PPP1R10: variants seen among roughly 807,000 people sequenced by gnomAD.
PPP1R10 encodes the protein serine/threonine-protein phosphatase 1 regulatory subunit 10.
In PPP1R10, 15 loss-of-function variants were observed where a neutral mutation model predicts 99.0. The observed-to-expected ratio is 0.15, with a 90% CI of 0.10 to 0.23. PPP1R10 has a LOEUF of 0.23. Ranked by LOEUF, PPP1R10 falls within the 10% of genes least tolerant of loss-of-function variation. The pLI is 1.00. For missense variants in PPP1R10, 947 were observed against 1,259.4 expected (o/e 0.75, Z 3.75); for synonymous variants, 430 against 449.5 (o/e 0.96, Z 0.55).
In PPP1R10 at chr6:30,606,157, T is replaced by C. The variant is rs553614961; in HGVS notation, c.721A>G (p.Ile241Val). Residue 241 changes from isoleucine to valine, a missense_variant, in exon 9 of 20, where the codon ATC (isoleucine) becomes GTC (valine). Transcript: ENST00000376511. The surrounding 1 kb of genome is among the most constrained non-coding windows in gnomAD (Gnocchi z 6.3). The part of the protein sequence containing the change: ...VVSDKYNLKP[I>V]PLKRQSNVAA... Reference sequence around the variant, plus strand: ...CCATACCTCTGACGTTTGAGGGGGATGGGTTTAAGGTTGTACTTGTCAGAA... The same window carrying C: ...CCATACCTCTGACGTTTGAGGGGGACGGGTTTAAGGTTGTACTTGTCAGAA... The C allele has an allele frequency of 1.0e-4, 161 of 1,614,048 alleles. 1 individual carries two copies. The highest frequency in any genetic ancestry group is 1.3e-4 in the Non-Finnish European group (157 of 1,180,040).
chr6:30,603,974 C>T lies in PPP1R10; in HGVS notation c.1508+34G>A, dbSNP rs926705287. On this transcript the variant is annotated intron_variant, in intron 14 of 19. Coordinates refer to ENST00000376511, the MANE Select transcript of PPP1R10 (RefSeq NM_002714.4). ...GTTCCCTCAGGAGTGTCCAAGCACT[C>T]AACATCCCAGGGCACGAACCCCACT... is the stretch of plus-strand genomic sequence containing the variant. 8 of 1,552,148 alleles carry T rather than the reference C, an allele frequency of 5.2e-6. No homozygotes were observed. In the African/African-American group the frequency reaches 1.1e-4, roughly 21 times the overall value.
chr6:30,613,317 TA>T (rs1465404203), intron 2 of PPP1R10, among the ~76,000 whole-genome samples: 1 of 152,198 alleles, frequency 6.6e-6, no homozygotes, highest in East Asian at 1.9e-4. Context: ...CAGAGCTCTT[TA>T]AAAAATAACT....
chr6:30,605,603 G>A (rs1276571933), intron 10 of PPP1R10, among the ~76,000 whole-genome samples: 1 of 152,140 alleles, frequency 6.6e-6, no homozygotes, highest in African/African-American at 2.4e-5. Flanking sequence ...GCTCATGCCT[G>A]TAATCCCAGC....
chr6:30,603,042 C>T (rs1224175890), intron 17 of PPP1R10, 83 bp from the exon 18 acceptor site: 1 of 1,394,670 alleles, frequency 7.2e-7, no homozygotes, highest in Non-Finnish European at 9.8e-7. Context: ...CCAACTGACC[C>T]TCTCAAACCA....
At position 30,605,984 on chromosome 6, in the gene PPP1R10, C is replaced by T. The variant is rs760350773; in HGVS notation, c.792G>A (p.Lys264=). Residue 264 remains lysine (K), a synonymous_variant, in exon 10 of 20, where the codon AAG becomes AAA. Transcript: ENST00000376511. ...DATPPAEKKY[K]PLNTTPNATK... ...TGGCATTAGGTGTTGTGTTGAGTGGCTTGTATTTCTTCTCTGCAGGGGGAG... is the reference window on the plus strand; with the variant it reads ...TGGCATTAGGTGTTGTGTTGAGTGGTTTGTATTTCTTCTCTGCAGGGGGAG... 8 of 1,613,776 alleles carry T rather than the reference C, an allele frequency of 5.0e-6. No individual in the cohort carries two copies. In the Admixed American group the frequency reaches 8.3e-5, roughly 17 times the overall value.
chr6:30,614,212 G>GA (rs972167620), intron 2 of PPP1R10, among the ~76,000 whole-genome samples: 14 of 151,950 alleles, frequency 9.2e-5, no homozygotes. Context: ...GTTGAAAAAT[G>GA]AAGAGGACAT....
chr6:30,605,300 C>T (rs1261347423), intron 10 of PPP1R10, among the ~76,000 whole-genome samples: 2 of 152,142 alleles, frequency 1.3e-5, no homozygotes, highest in Non-Finnish European at 2.9e-5. Flanking sequence ...GCAGGCAAGC[C>T]ATAGCTTTGG....
At chr6:30,613,737 C>G (rs1804787357) in intron 2 of PPP1R10, among the ~76,000 whole-genome samples, 1 of 152,222 alleles carries the variant, frequency 6.6e-6, no homozygotes, top group Non-Finnish European at 1.5e-5. Context: ...GGCTTCCCAT[C>G]TCCCATGTTA....
intron 2 of PPP1R10, chr6:30,614,606 A>G (rs1400058393): frequency 6.6e-6 from 1 of 152,186 alleles, no homozygotes; most frequent in Non-Finnish European, 1.5e-5. Context: ...CTGGTTCCTA[A>G]GCAGAAATGG....
chr6:30,603,019 C>T, intron 17 of PPP1R10, 60 bp from the exon 18 acceptor site: 1 of 1,445,500 alleles, frequency 6.9e-7, no homozygotes, highest in Non-Finnish European at 9.4e-7. Context: ...CATGATCTCC[C>T]ATTTAGGTGC....
intron 10 of PPP1R10, among the ~76,000 whole-genome samples, chr6:30,605,381 C>T (rs933265017): frequency 4.0e-5 from 6 of 151,882 alleles, no homozygotes; most frequent in African/African-American, 1.4e-4. Context: ...TACCAGGTGC[C>T]CCTGACCAGT....
rs1324789995 is a variant in PPP1R10 at position 30,602,033 on chromosome 6, A to C, written c.2616T>G (p.His872Gln). 1.2e-5 allele frequency: 18 copies of C among 1,541,960 alleles called. No homozygotes were observed. The highest frequency in any genetic ancestry group is 1.4e-5 in the African/African-American group (1 of 73,112). Reference sequence around the variant, plus strand: ...GGTGCTCATGAGGTGGCGGCCCTCGATGGTCATGGCCTCGGTGACCAGGGA... The same window carrying C: ...GGTGCTCATGAGGTGGCGGCCCTCGCTGGTCATGGCCTCGGTGACCAGGGA... ...HDVPGHRGHD[H>Q]RGPPPHEHRG... The change falls in exon 19 of 20, where the codon CAT becomes CAG. Residue 872 changes from histidine to glutamine, a missense_variant. Physicochemically the swap from His to Gln is conservative, Grantham distance 24. This residue lies in a region of PPP1R10 where 525 missense variants were observed against 578.8 expected (regional missense o/e 0.91). Coordinates refer to ENST00000376511, the MANE Select transcript of PPP1R10 (RefSeq NM_002714.4). The surrounding 1 kb of genome is among the most constrained non-coding windows in gnomAD (Gnocchi z 6.7).
chr6:30,602,316 C>G lies in PPP1R10; in HGVS notation c.2333G>C (p.Gly778Ala). The change falls in exon 19 of 20, where the codon GGA becomes GCA. Residue 778 changes from glycine (G) to alanine (A), a missense_variant. By Grantham distance (60) the Gly-to-Ala change is moderately conservative. This residue lies in a region of PPP1R10 where 525 missense variants were observed against 578.8 expected (regional missense o/e 0.91). Transcript: ENST00000376511. The surrounding 1 kb of genome is among the most constrained non-coding windows in gnomAD (Gnocchi z 6.7). ...RPHEGPGGGM[G>A]SGHRPHEGPG... is the part of the protein sequence containing the mutation. The stretch of plus-strand genomic sequence containing the variant: ...GCCTTCATGGGGGCGATGCCCACTT[C>G]CCATGCCACCGCCAGGGCCTTCGTG... The G allele has an allele frequency of 6.2e-7, 1 of 1,612,674 alleles. No homozygotes were observed. The highest frequency in any genetic ancestry group is 2.2e-5 in the East Asian group (1 of 44,848).
At chr6:30,607,743 A>G in intron 6 of PPP1R10, 97 bp downstream of exon 6, 1 of 1,358,092 alleles carries the variant, frequency 7.4e-7, no homozygotes. Context: ...TAGAAAGAGA[A>G]AAGTGAAGGG....
Position 30,603,272 on chromosome 6 carries a change from C to T in PPP1R10, c.1781G>A (p.Ser594Asn). 6 of 1,613,318 alleles carry T rather than the reference C, an allele frequency of 3.7e-6. No homozygotes were observed. The highest frequency in any genetic ancestry group is 5.1e-6 in the Non-Finnish European group (6 of 1,179,268). The stretch of plus-strand genomic sequence containing the variant: ...TTTCAGTAGTTCCTCTGAAGGATGA[C>T]TGTTTGGGCTACCCTGTGAGGATGT... ...ILTSIMGSPN[S>N]HPSEELLKQP... The change falls in exon 17 of 20, where the codon AGT becomes AAT. Residue 594 changes from serine to asparagine, a missense_variant. Transcript: ENST00000376511.
intron 19 of PPP1R10, 89 bp from the exon 20 acceptor site, chr6:30,601,747 T>C: frequency 7.3e-7 from 1 of 1,377,422 alleles, no homozygotes; most frequent in South Asian, 1.3e-5. Context: ...TCCTGAGAAC[T>C]GTCTTTCAGA....
chr6:30,609,824 G>A lies in PPP1R10; in HGVS notation c.107+14C>T. 2 of 1,594,984 alleles carry A rather than the reference G, an allele frequency of 1.3e-6. No individual in the cohort carries two copies. Among genetic ancestry groups the A allele is most frequent in the Non-Finnish European group, 1.7e-6 (2 of 1,162,662 alleles). On this transcript the variant is annotated intron_variant, in intron 3 of 19. Transcript: ENST00000376511. This position sits in a 1 kb window ranked among gnomAD's most constrained non-coding sequence, Gnocchi z 4.5. ...CTCTACTCACAGTGAATACAAAAAG[G>A]GGTAAAGACTCACCTGAAGATCTTG... is the stretch of plus-strand genomic sequence containing the variant.
intron 2 of PPP1R10, among the ~76,000 whole-genome samples, chr6:30,612,744 GA>G (rs1266227917): frequency 6.6e-6 from 1 of 151,912 alleles, no homozygotes; most frequent in Admixed American, 6.6e-5. Context: ...GTATATTTTG[GA>G]AAAAAACCAA....
Position 30,609,952 on chromosome 6 carries a change from G to T in PPP1R10, c.-8C>A. The T allele has an allele frequency of 3.1e-6, 5 of 1,607,364 alleles. No homozygotes were observed. The highest frequency in any genetic ancestry group is 4.3e-6 in the Non-Finnish European group (5 of 1,173,888). ...TATGGGACCCGAACCCATGATGGTG[G>T]TTTCTATGGTAAGAGGACAAAACAA... is the stretch of plus-strand genomic sequence containing the variant. On this transcript the variant is annotated 5_prime_UTR_variant, in exon 3 of 20. Coordinates refer to ENST00000376511, the MANE Select transcript of PPP1R10 (RefSeq NM_002714.4). This position sits in a 1 kb window ranked among gnomAD's most constrained non-coding sequence, Gnocchi z 4.5.
Sources: gnomAD v4.1 joint callset for allele counts (sites outside exome capture counted in the v4.1 genomes callset) on GRCh38, gnomAD v4.1.1 for gene constraint, gnomAD v4.1.1 regional missense constraint, Gnocchi (gnomAD v3.1) non-coding constraint, MANE v1.5 for transcripts, NCBI Gene and HGNC (gene_info 2026-07-23, HGNC 2026-07-21) for gene names.